RIMBP2: variants seen among roughly 807,000 people sequenced by gnomAD.
RIMBP2 encodes the protein RIMS-binding protein 2.
A neutral mutation model predicts 118.6 loss-of-function variants in RIMBP2; 48 were observed. The ratio of observed to expected loss-of-function variants is 0.40; its 90% CI spans 0.32 to 0.51. RIMBP2 has a LOEUF of 0.51. Among genes scored for constraint, RIMBP2 ranks in the 20% least tolerant of loss-of-function variants. RIMBP2 has a pLI of 0.41. For missense variants in RIMBP2, 1,551 were observed against 1,768.3 expected (o/e 0.88, Z 2.20); for synonymous variants, 762 against 742.9 (o/e 1.03, Z -0.42).
At chr12:130,560,882 C>T (rs1343482238) in intron 2 of RIMBP2, among the ~76,000 whole-genome samples, 1 of 150,784 alleles carries the variant, frequency 6.6e-6, no homozygotes, top group African/African-American at 2.5e-5. Context: ...AGGTCTAAAA[C>T]CCCCAGAACC....
intron 1 of RIMBP2, among the ~76,000 whole-genome samples, chr12:130,702,487 G>C (rs1566468961): frequency 1.3e-5 from 2 of 148,180 alleles, no homozygotes; most frequent in Admixed American, 6.8e-5. Flanking sequence ...CTGCACTCCA[G>C]CCTGGGCAAC....
In RIMBP2 at chr12:130,498,135, C is replaced by T. The variant is rs548895156; in HGVS notation, c.-4+8513G>A. The stretch of plus-strand genomic sequence containing the variant: ...TGAAGGCAGCACTGACTCCAGGCCT[C>T]CGGCTGCCCCGTCATTCTCCATGAA... On this transcript the variant is annotated intron_variant, in intron 4 of 22. Coordinates refer to ENST00000690449, the MANE Select transcript of RIMBP2 (RefSeq NM_001393629.1). Among the ~76,000 whole-genome samples, 13 of 152,016 alleles carry T rather than the reference C, an allele frequency of 8.6e-5. No homozygotes were observed. The South Asian group carries it at 2.7e-3, about 32-fold the overall frequency.
At chr12:130,647,339 G>T (rs1025698760) in intron 1 of RIMBP2, among the ~76,000 whole-genome samples, 2 of 152,246 alleles carry the variant, frequency 1.3e-5, no homozygotes, top group East Asian at 3.9e-4. Flanking sequence ...CTCCAGCCTA[G>T]GTGACAAAGC....
chr12:130,586,515 A>G (rs138564515), intron 2 of RIMBP2, among the ~76,000 whole-genome samples: 2 of 152,290 alleles, frequency 1.3e-5, no homozygotes, highest in East Asian at 3.9e-4. Flanking sequence ...GCCCTCAGAA[A>G]TAACGCCACA....
At chr12:130,605,384 C>T (rs2060122676) in intron 2 of RIMBP2, among the ~76,000 whole-genome samples, 1 of 152,066 alleles carries the variant, frequency 6.6e-6, no homozygotes, top group African/African-American at 2.4e-5. Flanking sequence ...ACTAAAAAGA[C>T]GTGGCTGCCA....
rs1219652508 is a variant in RIMBP2, at chr12:130,511,507, C to A, written c.-126-4737G>T. ...AGCTGGGTCCCACCCCTCCCTATTC[C>A]CCCAAGTCAAGGTTTGTCACTTCCT... On this transcript the variant is annotated intron_variant, in intron 3 of 22. Coordinates refer to ENST00000690449, the MANE Select transcript of RIMBP2 (RefSeq NM_001393629.1). This position sits in a 1 kb window ranked among gnomAD's most constrained non-coding sequence, Gnocchi z 4.3. Among the ~76,000 whole-genome samples, 1 of 152,220 alleles carries A rather than the reference C, an allele frequency of 6.6e-6. No individual in the cohort carries two copies. The highest frequency in any genetic ancestry group is 2.4e-5 in the African/African-American group (1 of 41,458).
intron 2 of RIMBP2, among the ~76,000 whole-genome samples, chr12:130,611,386 C>T (rs962671084): frequency 1.3e-5 from 2 of 152,240 alleles, no homozygotes; most frequent in South Asian, 2.1e-4. Context: ...TCAGACAATA[C>T]GTTGCAGGAT....
intron 16 of RIMBP2, among the ~76,000 whole-genome samples, chr12:130,423,921 G>C (rs944016327): frequency 2.6e-5 from 4 of 152,196 alleles, no homozygotes; most frequent in South Asian, 4.2e-4. Context: ...ACTGATTCTG[G>C]GGGGTGGAAA....
At chr12:130,691,424 C>A (rs1179714155) in intron 1 of RIMBP2, among the ~76,000 whole-genome samples, 1 of 152,176 alleles carries the variant, frequency 6.6e-6, no homozygotes, top group African/African-American at 2.4e-5. Context: ...CCTCACAGCA[C>A]TTTGGGAGGC....
At chr12:130,519,726 C>A (rs1336507682) in intron 2 of RIMBP2, among the ~76,000 whole-genome samples, 1 of 152,148 alleles carries the variant, frequency 6.6e-6, no homozygotes, top group Non-Finnish European at 1.5e-5. Context: ...AATTTGAGAA[C>A]AAGAGACATT....
In RIMBP2 at chr12:130,469,182, CA is replaced by C. The variant is rs1424595901; in HGVS notation, c.153+1510del. The C allele has an allele frequency of 2.0e-5, 3 of 152,662 alleles. No individual in the cohort carries two copies. The East Asian group carries it at 5.8e-4, about 29-fold the overall frequency. The allele number at this position is 152,662 out of a possible 1,614,324, so 9.5% of individuals were successfully genotyped here. A position where few individuals can be genotyped will look rare whatever the true frequency, so the allele number is the denominator to read the frequency against. ...TGTCCAAGGTGTTCTGCGCGAAGAGCAAAGCAAGACAGTTACAGAAAGACGC... is the reference window on the plus strand; with the variant it reads ...TGTCCAAGGTGTTCTGCGCGAAGAGCAAGCAAGACAGTTACAGAAAGACGC... On this transcript the variant is annotated intron_variant, in intron 6 of 22. Coordinates refer to ENST00000690449, the MANE Select transcript of RIMBP2 (RefSeq NM_001393629.1). This position sits in a 1 kb window ranked among gnomAD's most constrained non-coding sequence, Gnocchi z 4.8.
At chr12:130,458,679 T>C (rs1012928490) in intron 6 of RIMBP2, among the ~76,000 whole-genome samples, 3 of 152,210 alleles carry the variant, frequency 2.0e-5, no homozygotes, top group African/African-American at 7.2e-5. Context: ...TAGTCATGCA[T>C]TCATTCTAAC....
intron 1 of RIMBP2, among the ~76,000 whole-genome samples, chr12:130,682,486 G>A (rs777082393): frequency 6.6e-5 from 10 of 152,234 alleles, no homozygotes; most frequent in Admixed American, 4.6e-4. Flanking sequence ...CACCAGCGCC[G>A]CTTATGGATG....
intron 4 of RIMBP2, among the ~76,000 whole-genome samples, chr12:130,496,292 C>G (rs2049147329): frequency 6.6e-6 from 1 of 152,170 alleles, no homozygotes; most frequent in Admixed American, 6.5e-5. Context: ...ATTCCCTTCT[C>G]TTCTCTTGCC....
intron 1 of RIMBP2, among the ~76,000 whole-genome samples, chr12:130,707,089 G>A (rs1384383772): frequency 2.6e-5 from 4 of 152,212 alleles, no homozygotes; most frequent in Non-Finnish European, 4.4e-5. Flanking sequence ...GCAGGGCCCG[G>A]GCGTGAGAGC....
intron 1 of RIMBP2, among the ~76,000 whole-genome samples, chr12:130,654,398 A>C (rs193158159): frequency 5.4e-4 from 83 of 152,338 alleles, no homozygotes; most frequent in African/African-American, 1.9e-3. Flanking sequence ...CTTAGGCATA[A>C]TATGGGTGAT....
At chr12:130,413,622 G>A in intron 18 of RIMBP2, among the ~76,000 whole-genome samples, 1 of 102,242 alleles carries the variant, frequency 9.8e-6, no homozygotes, top group Admixed American at 1.4e-4. Context: ...GACAGAGCAA[G>A]ACTCTGTCTC....
chr12:130,508,972 CGT>C (rs2050630606), intron 3 of RIMBP2, among the ~76,000 whole-genome samples: 2 of 152,276 alleles, frequency 1.3e-5, no homozygotes, highest in South Asian at 4.2e-4. Context: ...CTGCACCCCC[CGT>C]ACCATCCGGC....
At chr12:130,618,038 A>AAAAAAAAAAAAGGG (rs2061063180) in intron 2 of RIMBP2, among the ~76,000 whole-genome samples, 1 of 144,008 alleles carries the variant, frequency 6.9e-6, no homozygotes, top group African/African-American at 2.6e-5. Context: ...AAAAAAAAGT[A>AAAAAAAAAAAAGGG]AAAAAGGGGA....
Sources: allele counts gnomAD v4.1 joint callset (sites outside exome capture counted in the v4.1 genomes callset), GRCh38; gene constraint gnomAD v4.1.1; non-coding constraint Gnocchi (gnomAD v3.1); transcripts MANE v1.5; gene names NCBI Gene and HGNC (gene_info 2026-07-23, HGNC 2026-07-21).